Variants in TTC28 observed in about 807,000 individuals in gnomAD.
The protein encoded by TTC28 is tetratricopeptide repeat protein 28.
A neutral mutation model predicts 198.0 loss-of-function variants in TTC28; 61 were observed. That is an observed-to-expected ratio of 0.31 (90% CI 0.25 to 0.38). The LOEUF is 0.38. TTC28 is among the 10% of genes least tolerant of loss of function. The pLI is 1.00. For missense variants in TTC28, 2,678 were observed against 3,164.0 expected (o/e 0.85, Z 3.69); for synonymous variants, 1,171 against 1,297.8 (o/e 0.90, Z 2.10).
intron 2 of TTC28, among the ~76,000 whole-genome samples, chr22:28,463,700 G>A (rs1216499130): frequency 6.6e-6 from 1 of 151,934 alleles, no homozygotes; most frequent in East Asian, 1.9e-4. Context: ...CTCATAGGTG[G>A]GTATTGAACA....
At chr22:28,476,194 T>C (rs2048163887) in intron 2 of TTC28, among the ~76,000 whole-genome samples, 1 of 152,170 alleles carries the variant, frequency 6.6e-6, no homozygotes, top group Admixed American at 6.5e-5. Flanking sequence ...GTATGTATCA[T>C]CTCCTTGCCT....
At chr22:28,612,301 T>C (rs975022500) in intron 2 of TTC28, among the ~76,000 whole-genome samples, 19 of 152,080 alleles carry the variant, frequency 1.2e-4, no homozygotes, top group Admixed American at 9.8e-4. Context: ...ATGTACCCAA[T>C]ACAGGAGCAC....
intron 13 of TTC28, among the ~76,000 whole-genome samples, chr22:28,025,137 A>G (rs576268920): frequency 6.6e-6 from 1 of 151,612 alleles, no homozygotes; most frequent in East Asian, 2.0e-4. Flanking sequence ...GAGAGGTTGT[A>G]GCAGGAAGAA....
intron 5 of TTC28, among the ~76,000 whole-genome samples, chr22:28,234,064 G>A (rs926422756): frequency 6.6e-6 from 1 of 150,862 alleles, no homozygotes; most frequent in South Asian, 2.1e-4. Context: ...CTGCCACTAC[G>A]CCCGGCTAAT....
chr22:28,268,375 T>C (rs1237804842), intron 5 of TTC28, among the ~76,000 whole-genome samples: 3 of 152,182 alleles, frequency 2.0e-5, no homozygotes, highest in Admixed American at 6.5e-5. Context: ...TGCCAACAAA[T>C]GTCCTTTTAA....
intron 5 of TTC28, among the ~76,000 whole-genome samples, chr22:28,176,112 C>T (rs528918398): frequency 6.6e-6 from 1 of 152,246 alleles, no homozygotes; most frequent in Admixed American, 6.5e-5. Context: ...ACCTGCATTC[C>T]CATGTTCACT....
At chr22:28,072,111 G>A (rs1169045872) in intron 12 of TTC28, among the ~76,000 whole-genome samples, 2 of 152,248 alleles carry the variant, frequency 1.3e-5, no homozygotes, top group Non-Finnish European at 2.9e-5. Flanking sequence ...CTTCACAGGA[G>A]TGGAAGTGGA....
intron 2 of TTC28, among the ~76,000 whole-genome samples, chr22:28,413,047 T>C (rs977557903): frequency 2.6e-5 from 4 of 152,216 alleles, no homozygotes; most frequent in Non-Finnish European, 4.4e-5. Context: ...CGCTGTGTTA[T>C]TTATATATCT....
rs185929588 is a variant in TTC28 at position 28,204,374 on chromosome 22, G to A, written c.934-40775C>T. On this transcript the variant is annotated intron_variant, in intron 5 of 22. Coordinates refer to ENST00000397906, the MANE Select transcript of TTC28 (RefSeq NM_001145418.2). ...ATGGATTCAATATCTCTGTCTAAAC[G>A]GTAATAGTAATAGCTATCTTTATCA... Among the ~76,000 whole-genome samples the A allele has an allele frequency of 5.8e-3, 890 of 152,218 alleles. 4 individuals carry two copies. The highest frequency in any genetic ancestry group is 0.01 in the Middle Eastern group (3 of 294).
intron 5 of TTC28, among the ~76,000 whole-genome samples, chr22:28,264,844 A>C (rs1304694782): frequency 6.6e-6 from 1 of 152,180 alleles, no homozygotes; most frequent in Non-Finnish European, 1.5e-5. Context: ...TGTAAAGTTT[A>C]AAAGCAAGAT....
At chr22:28,249,985 A>G (rs923864922) in intron 5 of TTC28, among the ~76,000 whole-genome samples, 3 of 152,180 alleles carry the variant, frequency 2.0e-5, no homozygotes, top group Non-Finnish European at 2.9e-5. Flanking sequence ...AGCTACTTAC[A>G]TATAAAATTT....
At chr22:28,087,736 A>G (rs545921584) in intron 12 of TTC28, among the ~76,000 whole-genome samples, 26 of 152,310 alleles carry the variant, frequency 1.7e-4, no homozygotes, top group African/African-American at 6.3e-4. Flanking sequence ...CTGTTTGCAG[A>G]TGACATGATT....
intron 5 of TTC28, among the ~76,000 whole-genome samples, chr22:28,228,839 T>C (rs1392909310): frequency 6.6e-6 from 1 of 152,126 alleles, no homozygotes; most frequent in Non-Finnish European, 1.5e-5. Flanking sequence ...AAATGGAATA[T>C]AAATATTTTC....
At chr22:28,192,066 G>C (rs969663088) in intron 5 of TTC28, among the ~76,000 whole-genome samples, 1 of 152,156 alleles carries the variant, frequency 6.6e-6, no homozygotes, top group African/African-American at 2.4e-5. Flanking sequence ...CACCTCACAC[G>C]GCCGGGTACT....
intron 4 of TTC28, among the ~76,000 whole-genome samples, chr22:28,296,717 T>G (rs891577990): frequency 6.6e-6 from 1 of 152,202 alleles, no homozygotes; most frequent in African/African-American, 2.4e-5. Flanking sequence ...AAAAAATATC[T>G]TTACAAGTAT....
intron 20 of TTC28, among the ~76,000 whole-genome samples, chr22:27,990,259 C>T (rs1937353668): frequency 6.6e-6 from 1 of 152,174 alleles, no homozygotes; most frequent in East Asian, 1.9e-4. Context: ...CTGCTTCCAG[C>T]CTTGTGTCTT....
Position 28,293,431 on chromosome 22 carries a change from A to C in TTC28, c.933+2767T>G, listed in dbSNP as rs1601590733. Among the ~76,000 whole-genome samples the C allele has an allele frequency of 2.0e-5, 3 of 152,238 alleles. No homozygotes were observed. In the South Asian group the frequency reaches 6.2e-4, roughly 32 times the overall value. ...GAGTCTAAAATAGCTGAATTCATGC[A>C]AGCAGAGCATGGACAGAATGGTGGT... On this transcript the variant is annotated intron_variant, in intron 5 of 22. Coordinates refer to ENST00000397906, the MANE Select transcript of TTC28 (RefSeq NM_001145418.2).
intron 6 of TTC28, among the ~76,000 whole-genome samples, chr22:28,120,128 A>G (rs762979165): frequency 1.3e-5 from 2 of 152,152 alleles, no homozygotes; most frequent in Admixed American, 6.5e-5. Context: ...ATAATATACA[A>G]AATTCTCTTT....
intron 1 of TTC28, among the ~76,000 whole-genome samples, chr22:28,670,415 C>T (rs2051860181): frequency 1.3e-5 from 2 of 152,130 alleles, no homozygotes; most frequent in Admixed American, 6.6e-5. Flanking sequence ...AACTATTTCA[C>T]ATAAATAGAA....
Sources: gnomAD v4.1 joint callset for allele counts (sites outside exome capture counted in the v4.1 genomes callset) on GRCh38, gnomAD v4.1.1 for gene constraint, MANE v1.5 for transcripts, NCBI Gene and HGNC (gene_info 2026-07-23, HGNC 2026-07-21) for gene names.